ZNF618: variants seen among roughly 807,000 people sequenced by gnomAD.
ZNF618 encodes the protein zinc finger protein 618.
ZNF618 carries 34 observed loss-of-function variants against 103.0 expected under a neutral mutation model. The observed-to-expected ratio is 0.33, with a 90% CI of 0.25 to 0.44. The LOEUF (loss-of-function observed/expected upper bound fraction) is 0.44. ZNF618 is among the 20% of genes least tolerant of loss of function. The probability of loss-of-function intolerance (pLI) is 1.00; values close to 1 mark genes in which losing one functional copy is unlikely to be tolerated. For missense variants in ZNF618, 1,059 were observed against 1,295.4 expected (o/e 0.82, Z 2.80); for synonymous variants, 551 against 542.2 (o/e 1.02, Z -0.23).
intron 1 of ZNF618, among the ~76,000 whole-genome samples, chr9:113,944,254 A>G (rs1286693673): frequency 6.6e-6 from 1 of 152,182 alleles, no homozygotes; most frequent in African/African-American, 2.4e-5. Flanking sequence ...CCTAGAGTAG[A>G]TGAAAATAAA....
chr9:113,979,842 G>C (rs867182570), intron 2 of ZNF618, among the ~76,000 whole-genome samples: 1 of 152,248 alleles, frequency 6.6e-6, no homozygotes, highest in South Asian at 2.1e-4. Flanking sequence ...AGTACACCGA[G>C]TGGGTAAATA....
intron 10 of ZNF618, chr9:114,028,438 A>G (rs1843706373): frequency 4.9e-6 from 2 of 408,528 alleles, no homozygotes; most frequent in Non-Finnish European, 8.8e-6. Flanking sequence ...GGGTTAACCA[A>G]TTCAGATGCC....
intron 13 of ZNF618, among the ~76,000 whole-genome samples, chr9:114,040,280 G>C (rs1845029431): frequency 6.6e-6 from 1 of 150,668 alleles, no homozygotes; most frequent in Non-Finnish European, 1.5e-5. Flanking sequence ...TCATATCCAG[G>C]GTTTTCACAT....
intron 1 of ZNF618, among the ~76,000 whole-genome samples, chr9:113,910,067 G>A (rs1831383914): frequency 6.6e-6 from 1 of 152,132 alleles, no homozygotes; most frequent in African/African-American, 2.4e-5. Flanking sequence ...ACAGGCATGA[G>A]CCAGTGCGGC....
intron 1 of ZNF618, among the ~76,000 whole-genome samples, chr9:113,906,278 T>A (rs1034295128): frequency 1.3e-5 from 2 of 152,134 alleles, no homozygotes; most frequent in African/African-American, 4.8e-5. Context: ...TGGGGATAGA[T>A]GATGAATATG....
intron 1 of ZNF618, among the ~76,000 whole-genome samples, chr9:113,942,375 A>G (rs757169132): frequency 2.7e-5 from 4 of 150,882 alleles, no homozygotes; most frequent in Non-Finnish European, 4.4e-5. Context: ...CTTTCTGGTG[A>G]GTGTGACTTT....
intron 3 of ZNF618, among the ~76,000 whole-genome samples, chr9:113,989,094 C>T (rs564013473): frequency 1.2e-4 from 19 of 152,348 alleles, no homozygotes; most frequent in Admixed American, 3.3e-4. Context: ...TCTCTCCCTC[C>T]GGTCTCCAGC....
At chr9:113,940,212 T>C (rs1290864238) in intron 1 of ZNF618, among the ~76,000 whole-genome samples, 4 of 152,134 alleles carry the variant, frequency 2.6e-5, no homozygotes, top group Non-Finnish European at 5.9e-5. Flanking sequence ...TATTGCTTTG[T>C]GGTCAGGGAA....
At chr9:113,997,477 G>T (rs925517882) in intron 3 of ZNF618, among the ~76,000 whole-genome samples, 1 of 152,182 alleles carries the variant, frequency 6.6e-6, no homozygotes, top group Non-Finnish European at 1.5e-5. Context: ...CCGACCTCTG[G>T]TGCTATTCGT....
At chr9:113,969,827 C>G (rs545987522) in intron 2 of ZNF618, among the ~76,000 whole-genome samples, 1 of 152,146 alleles carries the variant, frequency 6.6e-6, no homozygotes, top group Non-Finnish European at 1.5e-5. Context: ...AAGGCTGGAA[C>G]GGCCACATGA....
At chr9:113,945,925 G>T (rs1443393923) in intron 1 of ZNF618, among the ~76,000 whole-genome samples, 1 of 152,186 alleles carries the variant, frequency 6.6e-6, no homozygotes, top group African/African-American at 2.4e-5. Context: ...TCAGCCTCAC[G>T]CTTATGCTCT....
chr9:113,929,168 C>A (rs1429121379), intron 1 of ZNF618, among the ~76,000 whole-genome samples: 1 of 152,162 alleles, frequency 6.6e-6, no homozygotes, highest in East Asian at 1.9e-4. Context: ...GAGTTAAAAT[C>A]TATGAAAATG....
intron 1 of ZNF618, among the ~76,000 whole-genome samples, chr9:113,879,930 GCAGAACGAAAGC>G (rs1828356447): frequency 6.6e-6 from 1 of 152,112 alleles, no homozygotes; most frequent in Non-Finnish European, 1.5e-5. Flanking sequence ...TCTTGCTTTT[GCAGAACGAAAGC>G]AACAAAGATG....
chr9:113,894,945 G>A (rs1024739675), intron 1 of ZNF618, among the ~76,000 whole-genome samples: 2 of 151,780 alleles, frequency 1.3e-5, no homozygotes, highest in African/African-American at 4.8e-5. Context: ...CTTATATTAT[G>A]CATTGACTAG....
chr9:113,896,501 T>G (rs528303161), intron 1 of ZNF618, among the ~76,000 whole-genome samples: 1 of 152,188 alleles, frequency 6.6e-6, no homozygotes, highest in Non-Finnish European at 1.5e-5. Context: ...ATTTTTGGAT[T>G]CCTTTTAAAT....
intron 1 of ZNF618, among the ~76,000 whole-genome samples, chr9:113,955,946 A>C (rs1836243236): frequency 6.6e-6 from 1 of 152,036 alleles, no homozygotes; most frequent in African/African-American, 2.4e-5. Flanking sequence ...CTGTCTGTAA[A>C]AGAGGAGCAT....
At chr9:114,002,568 G>C in intron 5 of ZNF618, 56 bp from the exon 6 acceptor site, 1 of 1,581,546 alleles carries the variant, frequency 6.3e-7, no homozygotes, top group Non-Finnish European at 8.6e-7. Flanking sequence ...ACTTGGCACT[G>C]GCCCTGTCAT....
chr9:114,002,256 G>A (rs1030543350), intron 5 of ZNF618, among the ~76,000 whole-genome samples, 183 bp downstream of exon 5: 1 of 152,162 alleles, frequency 6.6e-6, no homozygotes, highest in Non-Finnish European at 1.5e-5. Context: ...CCTGATGCGG[G>A]ACAGCTCAGG....
At chr9:113,970,041 T>A (rs1231129535) in intron 2 of ZNF618, among the ~76,000 whole-genome samples, 1 of 151,924 alleles carries the variant, frequency 6.6e-6, no homozygotes, top group Non-Finnish European at 1.5e-5. Flanking sequence ...TTTTTTTGTG[T>A]GAGGAAAAAA....
Sources: allele counts gnomAD v4.1 joint callset (sites outside exome capture counted in the v4.1 genomes callset), GRCh38; gene constraint gnomAD v4.1.1; transcripts MANE v1.5; gene names NCBI Gene and HGNC (gene_info 2026-07-23, HGNC 2026-07-21).